AGBL1: variants seen among roughly 807,000 people sequenced by gnomAD.
AGBL1 encodes the protein AGBL carboxypeptidase 1.
In AGBL1, 130 loss-of-function variants were observed where a neutral mutation model predicts 118.9. The ratio of observed to expected loss-of-function variants is 1.09; its 90% CI spans 0.95 to 1.26. AGBL1 has a LOEUF of 1.26. Among genes scored for constraint, AGBL1 ranks in the 50% most tolerant of loss-of-function variants. The pLI, the probability that AGBL1 is intolerant of heterozygous loss-of-function variation, is 0.00. For missense variants in AGBL1, 1,584 were observed against 1,298.1 expected, an observed-to-expected ratio of 1.22 and a Z score of -3.38; for synonymous variants, 555 against 478.9, an observed-to-expected ratio of 1.16 and a Z score of -2.08.
At chr15:86,450,841 A>G (rs754353713) in intron 18 of AGBL1, among the ~76,000 whole-genome samples, 2 of 152,228 alleles carry the variant, frequency 1.3e-5, no homozygotes, top group Non-Finnish European at 2.9e-5. Flanking sequence ...TGCTTTAAAT[A>G]GAGCCATTAT....
At chr15:87,018,774 A>T (rs923663224) in intron 24 of AGBL1, among the ~76,000 whole-genome samples, 3 of 152,214 alleles carry the variant, frequency 2.0e-5, no homozygotes, top group African/African-American at 7.2e-5. Context: ...ATATAACAAT[A>T]CAAAGCTTAA....
At chr15:86,210,956 T>A (rs8029626) in intron 5 of AGBL1, among the ~76,000 whole-genome samples, 90,418 of 152,060 alleles carry the variant, frequency 0.59, 28,225 homozygotes, top group African/African-American at 0.77. Flanking sequence ...TTGTGGTTTT[T>A]TCTACCTTTG....
chr15:86,794,868 A>AT (rs1056756653), intron 22 of AGBL1, among the ~76,000 whole-genome samples: 8 of 152,252 alleles, frequency 5.3e-5, no homozygotes, highest in African/African-American at 1.9e-4. Context: ...CTAGTTTTAT[A>AT]TTTTTTCTAG....
intron 3 of AGBL1, among the ~76,000 whole-genome samples, chr15:86,153,519 G>A (rs1328969439): frequency 2.0e-5 from 3 of 152,020 alleles, no homozygotes; most frequent in Non-Finnish European, 2.9e-5. Flanking sequence ...TGGGGTGGGG[G>A]GCAGGGGGAG....
At chr15:86,321,916 C>A (rs559558741) in intron 17 of AGBL1, among the ~76,000 whole-genome samples, 1 of 151,882 alleles carries the variant, frequency 6.6e-6, no homozygotes, top group East Asian at 1.9e-4. Context: ...TTATTCAATA[C>A]TTTCTTTAAA....
chr15:86,291,753 TTG>T (rs141060910), intron 16 of AGBL1, among the ~76,000 whole-genome samples: 2 of 151,972 alleles, frequency 1.3e-5, no homozygotes, highest in Non-Finnish European at 2.9e-5. Context: ...GTTGTGTAGG[TTG>T]TGTGTGTGTG....
At chr15:86,236,961 G>T (rs1415946359) in intron 6 of AGBL1, among the ~76,000 whole-genome samples, 1 of 131,534 alleles carries the variant, frequency 7.6e-6, no homozygotes, top group Non-Finnish European at 1.6e-5. Context: ...GCGGGGGGGC[G>T]CCAAGTTGCC....
At chr15:86,528,767 G>A (rs1180716496) in intron 19 of AGBL1, among the ~76,000 whole-genome samples, 4 of 60,644 alleles carry the variant, frequency 6.6e-5, no homozygotes, top group South Asian at 1.3e-3. Context: ...ATCTGAGAAC[G>A]GGCAGACTAC....
intron 22 of AGBL1, among the ~76,000 whole-genome samples, chr15:86,838,828 C>G (rs2079204033): frequency 6.7e-6 from 1 of 149,796 alleles, no homozygotes. Context: ...CCTGTGGTCC[C>G]AGCTACTCGG....
At chr15:86,849,963 TG>T (rs1272708178) in intron 22 of AGBL1, among the ~76,000 whole-genome samples, 1 of 152,206 alleles carries the variant, frequency 6.6e-6, no homozygotes, top group Non-Finnish European at 1.5e-5. Context: ...AGAAAAAAAT[TG>T]TTAATCTTTC....
intron 17 of AGBL1, among the ~76,000 whole-genome samples, chr15:86,378,975 C>T (rs756397167): frequency 1.2e-4 from 18 of 151,056 alleles, no homozygotes; most frequent in African/African-American, 3.4e-4. Flanking sequence ...TGCAATGGAG[C>T]GATCTTGGCT....
intron 21 of AGBL1, among the ~76,000 whole-genome samples, chr15:86,625,400 T>TTTTTTTC (rs2084872144): frequency 7.7e-6 from 1 of 130,184 alleles, no homozygotes. Context: ...TTTTTTTTTT[T>TTTTTTTC]ACAAACACAG....
chr15:86,461,460 G>A (rs918349043), intron 18 of AGBL1, among the ~76,000 whole-genome samples: 57 of 152,096 alleles, frequency 3.7e-4, no homozygotes, highest in African/African-American at 1.2e-3. Flanking sequence ...TTATAATATC[G>A]TATTTATATA....
At chr15:86,399,728 C>T (rs143375638) in intron 18 of AGBL1, among the ~76,000 whole-genome samples, 2 of 152,312 alleles carry the variant, frequency 1.3e-5, no homozygotes, top group Admixed American at 1.3e-4. Context: ...CACTGAGTAT[C>T]CTCCTGGCCT....
intron 24 of AGBL1, among the ~76,000 whole-genome samples, chr15:87,005,699 C>T (rs554937467): frequency 1.3e-5 from 2 of 152,338 alleles, no homozygotes; most frequent in African/African-American, 4.8e-5. Flanking sequence ...TTGTCAAAGT[C>T]ATTCTCTCTC....
chr15:86,817,604 G>A, intron 22 of AGBL1, among the ~76,000 whole-genome samples: 1 of 147,928 alleles, frequency 6.8e-6, no homozygotes, highest in African/African-American at 2.5e-5. Context: ...AGAGGAGAGA[G>A]AGAGAGAAAA....
Position 87,016,525 on chromosome 15 carries a change from A to G in AGBL1, c.3324-12300A>G, listed in dbSNP as rs140418657. The stretch of plus-strand genomic sequence containing the variant: ...CTCATCTATAAACTGAGGACATTAT[A>G]AAAGAAAGTCTAGGACTGGGCCAAG... On this transcript the variant is annotated intron_variant, in intron 24 of 24. Transcript: ENST00000441037. Among the ~76,000 whole-genome samples the G allele has an allele frequency of 5.1e-3, 779 of 152,336 alleles. 6 individuals are homozygous for G. Among genetic ancestry groups the G allele is most frequent in the Non-Finnish European group, 6.7e-3 (454 of 68,022 alleles).
chr15:86,950,440 A>T (rs1258092010), intron 23 of AGBL1, among the ~76,000 whole-genome samples: 1 of 151,140 alleles, frequency 6.6e-6, no homozygotes, highest in Non-Finnish European at 1.5e-5. Flanking sequence ...ACATAATCAT[A>T]GATTTTACAT....
chr15:86,399,306 A>G (rs16976771), intron 18 of AGBL1, among the ~76,000 whole-genome samples: 9,367 of 152,192 alleles, frequency 0.062, 642 homozygotes, highest in African/African-American at 0.17. Flanking sequence ...GAGCAGCCAA[A>G]GATTTTACTA....
Sources: gnomAD v4.1 joint callset for allele counts (sites outside exome capture counted in the v4.1 genomes callset) on GRCh38, gnomAD v4.1.1 for gene constraint, MANE v1.5 for transcripts, NCBI Gene and HGNC (gene_info 2026-07-23, HGNC 2026-07-21) for gene names.